GCM1: variants seen among roughly 807,000 people sequenced by gnomAD.
The protein encoded by GCM1 is GCM transcription factor 1, also known as chorion-specific transcription factor GCMa.
GCM1 carries 2 observed loss-of-function variants against 25.7 expected under a neutral mutation model. The ratio of observed to expected loss-of-function variants is 0.08; its 90% confidence interval spans 0.03 to 0.24. The LOEUF (loss-of-function observed/expected upper bound fraction) is 0.24, where lower values mean the gene tolerates loss of function less well. GCM1 is among the 10% of genes least tolerant of loss of function. The pLI, the probability that GCM1 is intolerant of heterozygous loss-of-function variation, is 1.00. For synonymous variants in GCM1, 183 were observed against 195.7 expected (o/e 0.94, Z 0.54); for missense variants, 395 against 538.7 (o/e 0.73, Z 2.64).
In GCM1 at chr6:53,147,489, C is replaced by T. The variant is rs573394901; in HGVS notation, c.-137+1265G>A. On this transcript the variant is annotated intron_variant, in intron 1 of 5. Coordinates refer to ENST00000259803, the MANE Select transcript of GCM1 (RefSeq NM_003643.4). ...TATCACCCAGGCTGGAGTGCAGTGGCGCAATCTCAGCTCACCATAGCCTCC... is the reference window on the plus strand; with the variant it reads ...TATCACCCAGGCTGGAGTGCAGTGGTGCAATCTCAGCTCACCATAGCCTCC... Among the ~76,000 whole-genome samples the T allele has an allele frequency of 2.8e-5, 4 of 145,102 alleles. 1 individual carries two copies. In the South Asian group the frequency reaches 8.8e-4, roughly 32 times the overall value.
At chr6:53,140,149 A>G (rs577204533) in intron 2 of GCM1, among the ~76,000 whole-genome samples, 2 of 152,292 alleles carry the variant, frequency 1.3e-5, no homozygotes, top group African/African-American at 4.8e-5. Context: ...CTCTCAGGGA[A>G]GTTCAAATGA....
intron 2 of GCM1, among the ~76,000 whole-genome samples, chr6:53,140,878 T>C (rs866942324): frequency 3.3e-5 from 5 of 152,240 alleles, no homozygotes; most frequent in Non-Finnish European, 7.3e-5. Context: ...TCCAGGACCA[T>C]GTAATCCACA....
At chr6:53,129,967 T>A (rs554367122) in intron 5 of GCM1, among the ~76,000 whole-genome samples, 48 of 152,294 alleles carry the variant, frequency 3.2e-4, no homozygotes, top group African/African-American at 1.0e-3. Context: ...AAGGGGATAC[T>A]TTTAGGGGGT....
intron 2 of GCM1, among the ~76,000 whole-genome samples, chr6:53,136,408 C>G (rs1487842264): frequency 6.6e-6 from 1 of 152,222 alleles, no homozygotes; most frequent in Non-Finnish European, 1.5e-5. Flanking sequence ...TTCTTTTCTT[C>G]TCAGTGCCTC....
chr6:53,147,435 T>A (rs1489613832), intron 1 of GCM1, among the ~76,000 whole-genome samples: 12 of 148,822 alleles, frequency 8.1e-5, no homozygotes, highest in African/African-American at 2.9e-4. Context: ...GTTTTTTTTT[T>A]TTTTTTTTTT....
chr6:53,130,071 A>G (rs1480277238), intron 5 of GCM1, among the ~76,000 whole-genome samples: 6 of 152,162 alleles, frequency 3.9e-5, no homozygotes, highest in Non-Finnish European at 8.8e-5. Context: ...GGAAATAGCC[A>G]TTTGGGTTTG....
intron 2 of GCM1, among the ~76,000 whole-genome samples, chr6:53,134,815 TAAACTGTGGA>T (rs1278779059): frequency 2.0e-5 from 3 of 152,124 alleles, no homozygotes; most frequent in Admixed American, 1.3e-4. Context: ...AAACTCAAAA[TAAACTGTGGA>T]AAACATTGTG....
In GCM1 at chr6:53,134,057, C is replaced by T. The variant is rs545595513; in HGVS notation, c.328+15G>A. The T allele has an allele frequency of 3.7e-6, 6 of 1,609,598 alleles. No homozygotes were observed. The highest frequency in any genetic ancestry group is 1.7e-5 in the Admixed American group (1 of 59,820). ...GATGCCAGCTTTTTTGCTGGTGCCACTAAGCTCTACTCACGCTGCTGCTTC... is the reference window on the plus strand; with the variant it reads ...GATGCCAGCTTTTTTGCTGGTGCCATTAAGCTCTACTCACGCTGCTGCTTC... On this transcript the variant is annotated intron_variant, in intron 3 of 5. Coordinates refer to ENST00000259803, the MANE Select transcript of GCM1 (RefSeq NM_003643.4).
intron 2 of GCM1, among the ~76,000 whole-genome samples, chr6:53,136,970 CTG>C (rs1763808275): frequency 6.7e-6 from 1 of 149,370 alleles, no homozygotes. Flanking sequence ...GAGTGAAACT[CTG>C]TTTCAATAAA....
At chr6:53,130,593 C>T (rs76606423) in intron 5 of GCM1, among the ~76,000 whole-genome samples, 1 of 152,258 alleles carries the variant, frequency 6.6e-6, no homozygotes, top group East Asian at 1.9e-4. Flanking sequence ...ATTACATGGA[C>T]TTTATGGTTC....
At chr6:53,128,991 C>A in intron 5 of GCM1, 45 bp from the exon 6 acceptor site, 2 of 1,532,880 alleles carry the variant, frequency 1.3e-6, no homozygotes, top group South Asian at 1.2e-5. Context: ...TTAAGCAAAT[C>A]AAAACCACTG....
In GCM1 at chr6:53,145,672, C is replaced by T; in HGVS notation, c.-40G>A. ...AGCCAAGGTTTTCACCTATTCGACT[C>T]CCCTCAGAAATGCTTGAGAATTTTG... On this transcript the variant is annotated 5_prime_UTR_variant, in exon 2 of 6. Transcript: ENST00000259803. 8.8e-7 allele frequency: 1 copy of T among 1,140,374 alleles called. No homozygotes were observed. The highest frequency in any genetic ancestry group is 1.3e-6 in the Non-Finnish European group (1 of 751,528). The allele number at this position is 1,140,374 out of a possible 1,614,324, so 70.6% of individuals were successfully genotyped here.
chr6:53,147,072 T>G (rs1763968575), intron 1 of GCM1, among the ~76,000 whole-genome samples: 1 of 152,020 alleles, frequency 6.6e-6, no homozygotes, highest in Admixed American at 6.6e-5. Flanking sequence ...AATAAATAAA[T>G]GAATGAATAA....
At chr6:53,129,064 A>G (rs1281158034) in intron 5 of GCM1, 118 bp from the exon 6 acceptor site, 1 of 751,338 alleles carries the variant, frequency 1.3e-6, no homozygotes, top group Non-Finnish European at 2.2e-6. Flanking sequence ...CTCATTCCTT[A>G]CACATTAATA....
chr6:53,146,994 A>T (rs1208880540), intron 1 of GCM1, among the ~76,000 whole-genome samples: 1 of 152,134 alleles, frequency 6.6e-6, no homozygotes, highest in Non-Finnish European at 1.5e-5. Flanking sequence ...AGATTGTGTC[A>T]CTGCATGCCA....
chr6:53,147,792 G>A (rs11753685), intron 1 of GCM1, among the ~76,000 whole-genome samples: 16,903 of 152,122 alleles, frequency 0.11, 2,125 homozygotes, highest in African/African-American at 0.31. Flanking sequence ...TCTACCAAGG[G>A]AAAGTGTATG....
intron 2 of GCM1, among the ~76,000 whole-genome samples, chr6:53,136,645 A>G (rs1382462989): frequency 1.3e-5 from 2 of 152,198 alleles, no homozygotes; most frequent in African/African-American, 4.8e-5. Context: ...AGGTCACTTC[A>G]TGCTTCATAC....
At position 53,128,871 on chromosome 6, in the gene GCM1, C is replaced by T. The variant is rs1448288187; in HGVS notation, c.646G>A (p.Gly216Ser). Residue 216 changes from glycine to serine, a missense_variant, in exon 6 of 6, where the codon GGT becomes AGT. Gly to Ser is a moderately conservative substitution (Grantham distance 56). This residue lies in a region of GCM1 where 291 missense variants were observed against 314.6 expected (regional missense o/e 0.92). Transcript: ENST00000259803. ...WSFQEGVQLP[G>S]SYSGHLIANT... ...GCTATTAAATGTCCACTGTAACTACCAGGCAATTGGACGCCTTCCTGGAAA... is the reference window on the plus strand; with the variant it reads ...GCTATTAAATGTCCACTGTAACTACTAGGCAATTGGACGCCTTCCTGGAAA... 18 of 1,610,750 alleles carry T rather than the reference C, an allele frequency of 1.1e-5. No individual in the cohort carries two copies. Among genetic ancestry groups the T allele is most frequent in the Non-Finnish European group, 1.5e-5 (18 of 1,177,052 alleles).
rs1456459062 is a variant in GCM1, at chr6:53,128,458, G to A, written c.1059C>T (p.Pro353=). 5 of 1,613,994 alleles carry A rather than the reference G, an allele frequency of 3.1e-6. No individual in the cohort carries two copies. Among genetic ancestry groups the A allele is most frequent in the African/African-American group, 1.3e-5 (1 of 74,912 alleles). ...LEPPAAKTGC[P]PLWPNPAGNL... ...TACCCGCTGGATTTGGCCATAATGGGGGACAGCCAGTTTTGGCTGCAGGTG... is the reference window on the plus strand; with the variant it reads ...TACCCGCTGGATTTGGCCATAATGGAGGACAGCCAGTTTTGGCTGCAGGTG... The change falls in exon 6 of 6, where the codon CCC becomes CCT. Residue 353 remains proline, a synonymous_variant. Transcript: ENST00000259803.
Sources: gnomAD v4.1 joint callset for allele counts (sites outside exome capture counted in the v4.1 genomes callset) on GRCh38, gnomAD v4.1.1 for gene constraint, gnomAD v4.1.1 regional missense constraint, MANE v1.5 for transcripts, NCBI Gene and HGNC (gene_info 2026-07-23, HGNC 2026-07-21) for gene names.